Variants in MINDY2 observed in about 807,000 individuals in gnomAD.
The protein encoded by MINDY2 is MINDY lysine 48 deubiquitinase 2, also known as ubiquitin carboxyl-terminal hydrolase MINDY-2.
In MINDY2, 52 loss-of-function variants were observed where a neutral mutation model predicts 68.2. The ratio of observed to expected loss-of-function variants is 0.76; its 90% CI spans 0.61 to 0.96. The LOEUF is 0.96. MINDY2 is among the 40% of genes least tolerant of loss of function. The pLI, the probability that MINDY2 is intolerant of heterozygous loss-of-function variation, is 0.00. For synonymous variants in MINDY2, 372 were observed against 303.0 expected (o/e 1.23, Z -2.36); for missense variants, 881 against 773.4 (o/e 1.14, Z -1.65).
chr15:58,782,179 C>G (rs951234177), intron 1 of MINDY2, among the ~76,000 whole-genome samples: 5 of 151,900 alleles, frequency 3.3e-5, no homozygotes, highest in African/African-American at 9.7e-5. Flanking sequence ...CCCATTAATA[C>G]TTCTAATATT....
chr15:58,847,054 G>A (rs2032572509), intron 6 of MINDY2, among the ~76,000 whole-genome samples: 1 of 152,120 alleles, frequency 6.6e-6, no homozygotes, highest in Non-Finnish European at 1.5e-5. Context: ...TACATTAGCT[G>A]AACATGCCAA....
chr15:58,797,709 A>C (rs571405424), intron 2 of MINDY2, among the ~76,000 whole-genome samples: 1 of 152,246 alleles, frequency 6.6e-6, no homozygotes, highest in African/African-American at 2.4e-5. Context: ...AGTTGATACC[A>C]TTTACCTAAC....
At chr15:58,842,566 A>G (rs2032334199) in intron 6 of MINDY2, among the ~76,000 whole-genome samples, 1 of 152,158 alleles carries the variant, frequency 6.6e-6, no homozygotes, top group South Asian at 2.1e-4. Flanking sequence ...GAGGGGGCAG[A>G]ATTTGGAAAC....
At chr15:58,848,674 A>T (rs757027625) in intron 7 of MINDY2, among the ~76,000 whole-genome samples, 2 of 152,174 alleles carry the variant, frequency 1.3e-5, no homozygotes, top group Non-Finnish European at 2.9e-5. Context: ...TGAACCAAGG[A>T]GGCAGAGCTT....
At position 58,789,212 on chromosome 15, in the gene MINDY2, C is replaced by G. The variant is rs543940199; in HGVS notation, c.898+1249C>G. Among the ~76,000 whole-genome samples, 9 of 152,118 alleles carry G rather than the reference C, an allele frequency of 5.9e-5. 1 individual carries two copies. Among genetic ancestry groups the G allele is most frequent in the Admixed American group, 5.9e-4 (9 of 15,278 alleles). ...AATTAGCTGGGCATGGTGGCAGACG[C>G]CTGATGTCCCAGCTACTCGGGAGGC... is the stretch of plus-strand genomic sequence containing the variant. On this transcript the variant is annotated intron_variant, in intron 2 of 8. Coordinates refer to ENST00000559228, the MANE Select transcript of MINDY2 (RefSeq NM_001040450.3).
At chr15:58,851,304 A>C (rs1429352733) in intron 7 of MINDY2, among the ~76,000 whole-genome samples, 1 of 152,214 alleles carries the variant, frequency 6.6e-6, no homozygotes, top group African/African-American at 2.4e-5. Context: ...TGACAGAATC[A>C]CTGAAATAAG....
intron 6 of MINDY2, among the ~76,000 whole-genome samples, chr15:58,841,849 G>GGT (rs1305868287): frequency 1.3e-5 from 2 of 152,070 alleles, no homozygotes; most frequent in Admixed American, 1.3e-4. Flanking sequence ...TGTAAAGATG[G>GGT]GTTGTAAATA....
intron 2 of MINDY2, among the ~76,000 whole-genome samples, chr15:58,791,705 T>G (rs568951648): frequency 6.6e-6 from 1 of 151,376 alleles, no homozygotes; most frequent in Admixed American, 6.6e-5. Context: ...ATTTTTAATT[T>G]TATATAATAT....
Position 58,771,860 on chromosome 15 carries a change from C to A in MINDY2, c.465C>A (p.Gly155=), listed in dbSNP as rs1900436607. ...AAGSEEPSSA[G]GLSSSCSDPS... is the part of the protein sequence containing the mutation. ...GCTCCGAAGAGCCCAGCAGCGCCGG[C>A]GGCCTCAGCAGCAGTTGCAGCGACC... Residue 155 remains glycine (G), a synonymous_variant, in exon 1 of 9, where the codon GGC becomes GGA. Coordinates refer to ENST00000559228, the MANE Select transcript of MINDY2 (RefSeq NM_001040450.3). 3 of 1,589,098 alleles carry A rather than the reference C, an allele frequency of 1.9e-6. No individual in the cohort carries two copies. The highest frequency in any genetic ancestry group is 1.7e-6 in the Non-Finnish European group (2 of 1,168,372).
intron 2 of MINDY2, among the ~76,000 whole-genome samples, chr15:58,800,843 A>G (rs1311976700): frequency 6.6e-6 from 1 of 151,860 alleles, no homozygotes; most frequent in African/African-American, 2.4e-5. Flanking sequence ...TCAAAAAAAA[A>G]AAAAAAAAAA....
At chr15:58,836,475 A>G (rs1329551808) in intron 6 of MINDY2, among the ~76,000 whole-genome samples, 3 of 152,104 alleles carry the variant, frequency 2.0e-5, no homozygotes, top group Non-Finnish European at 1.5e-5. Flanking sequence ...CAGGGATCCT[A>G]TGGGCATTTG....
intron 2 of MINDY2, among the ~76,000 whole-genome samples, chr15:58,798,262 G>T (rs991953206): frequency 6.6e-6 from 1 of 150,592 alleles, no homozygotes. Context: ...GATTACAGGC[G>T]CCCGCCACCA....
chr15:58,794,884 G>T (rs1005795391), intron 2 of MINDY2, among the ~76,000 whole-genome samples: 2 of 152,060 alleles, frequency 1.3e-5, no homozygotes, highest in African/African-American at 4.8e-5. Flanking sequence ...TATAAAAATG[G>T]TATTTAAATC....
At chr15:58,817,039 AT>A (rs1427754218) in intron 4 of MINDY2, among the ~76,000 whole-genome samples, 1 of 152,216 alleles carries the variant, frequency 6.6e-6, no homozygotes, top group Admixed American at 6.5e-5. Context: ...TGTTCCTGAT[AT>A]TATGACATCA....
intron 6 of MINDY2, among the ~76,000 whole-genome samples, chr15:58,842,409 AATTT>A (rs1187770337): frequency 6.6e-6 from 1 of 152,162 alleles, no homozygotes; most frequent in Non-Finnish European, 1.5e-5. Context: ...TAAAGAAATA[AATTT>A]GTTTATTCTA....
intron 6 of MINDY2, among the ~76,000 whole-genome samples, chr15:58,838,798 C>A (rs141936552): frequency 6.6e-6 from 1 of 151,886 alleles, no homozygotes; most frequent in Non-Finnish European, 1.5e-5. Context: ...CCAGACTGGT[C>A]TCAAATCCCT....
chr15:58,780,583 A>G lies in MINDY2; in HGVS notation c.841-7323A>G, dbSNP rs527855908. ...GGGGCAAAACAGGGTGGGACAGCCA[A>G]TGATAAAGTCAGAGAAGCAGAAATG... On this transcript the variant is annotated intron_variant, in intron 1 of 8. Transcript: ENST00000559228. 3.0e-4 allele frequency among the ~76,000 whole-genome samples: 46 copies of G among 152,288 alleles called. No homozygotes were observed. In the East Asian group the frequency reaches 5.8e-3, roughly 19 times the overall value.
chr15:58,828,004 G>A (rs1399785522), intron 5 of MINDY2, among the ~76,000 whole-genome samples: 1 of 151,912 alleles, frequency 6.6e-6, no homozygotes, highest in Non-Finnish European at 1.5e-5. Context: ...AGGCCGAGGT[G>A]GGTGGATCAC....
intron 6 of MINDY2, among the ~76,000 whole-genome samples, chr15:58,841,973 G>C (rs1401784601): frequency 6.6e-6 from 1 of 151,896 alleles, no homozygotes; most frequent in Non-Finnish European, 1.5e-5. Flanking sequence ...CCTAGATCTA[G>C]TTGTTGCATT....
Sources: gnomAD v4.1 joint callset for allele counts (sites outside exome capture counted in the v4.1 genomes callset) on GRCh38, gnomAD v4.1.1 for gene constraint, MANE v1.5 for transcripts, NCBI Gene and HGNC (gene_info 2026-07-23, HGNC 2026-07-21) for gene names.